Variants in EYS observed in about 807,000 individuals in gnomAD.
The protein encoded by EYS is protein eyes shut homolog.
EYS carries 250 observed loss-of-function variants against 282.1 expected under a neutral mutation model. That is an observed-to-expected ratio of 0.89 (90% CI 0.80 to 0.98). EYS has a LOEUF of 0.98. Ranked by LOEUF, EYS falls within the 50% of genes least tolerant of loss-of-function variation. EYS has a pLI of 0.00. For synonymous variants in EYS, 1,355 were observed against 1,282.9 expected, an observed-to-expected ratio of 1.06 and a Z score of -1.20; for missense variants, 4,016 against 3,709.0, an observed-to-expected ratio of 1.08 and a Z score of -2.15.
chr6:65,118,815 G>A (rs559953807), intron 12 of EYS, among the ~76,000 whole-genome samples: 29 of 151,942 alleles, frequency 1.9e-4, no homozygotes, highest in South Asian at 2.1e-4. Flanking sequence ...AATTGTAGTG[G>A]GGTGACCAGT....
At chr6:63,862,789 C>G (rs1772568117) in intron 36 of EYS, among the ~76,000 whole-genome samples, 1 of 152,048 alleles carries the variant, frequency 6.6e-6, no homozygotes, top group Non-Finnish European at 1.5e-5. Flanking sequence ...AATGTTTTCT[C>G]TTTTTATAAA....
intron 30 of EYS, among the ~76,000 whole-genome samples, chr6:64,251,593 G>A (rs1767219567): frequency 6.6e-6 from 1 of 152,158 alleles, no homozygotes; most frequent in Non-Finnish European, 1.5e-5. Context: ...AAGCAGCTAT[G>A]TGGTTCTCCC....
At chr6:64,896,869 G>A (rs1445000817) in intron 18 of EYS, among the ~76,000 whole-genome samples, 1 of 152,078 alleles carries the variant, frequency 6.6e-6, no homozygotes, top group Non-Finnish European at 1.5e-5. Context: ...GGCCACCACA[G>A]TGCCTCAAAG....
chr6:65,196,467 T>C (rs1405816516), intron 12 of EYS, among the ~76,000 whole-genome samples: 2 of 152,114 alleles, frequency 1.3e-5, no homozygotes, highest in Admixed American at 6.6e-5. Flanking sequence ...CAAATCTTCA[T>C]CAAACTCTTA....
intron 26 of EYS, among the ~76,000 whole-genome samples, chr6:64,479,954 T>C (rs948737605): frequency 1.3e-5 from 2 of 151,848 alleles, no homozygotes; most frequent in African/African-American, 4.8e-5. Context: ...GTCACCAAAG[T>C]GGGAGTTTGA....
chr6:63,834,844 C>A (rs956082282), intron 36 of EYS, among the ~76,000 whole-genome samples: 1 of 151,814 alleles, frequency 6.6e-6, no homozygotes, highest in East Asian at 1.9e-4. Flanking sequence ...CAATGTGTCA[C>A]ATATACACCA....
intron 29 of EYS, among the ~76,000 whole-genome samples, chr6:64,351,924 G>C (rs182543864): frequency 6.7e-4 from 102 of 151,608 alleles, no homozygotes; most frequent in Non-Finnish European, 1.1e-3. Flanking sequence ...CTATATCAGG[G>C]AACGAAATAA....
intron 35 of EYS, among the ~76,000 whole-genome samples, chr6:63,890,243 C>T (rs1254084288): frequency 4.6e-5 from 7 of 152,152 alleles, no homozygotes; most frequent in Admixed American, 1.3e-4. Flanking sequence ...CTGGAACAAG[C>T]GGACCTAACA....
intron 12 of EYS, among the ~76,000 whole-genome samples, chr6:65,285,517 A>C (rs775931883): frequency 6.6e-6 from 1 of 152,106 alleles, no homozygotes; most frequent in Non-Finnish European, 1.5e-5. Context: ...GAAATCTTTT[A>C]AGAAGTGCCC....
intron 5 of EYS, among the ~76,000 whole-genome samples, chr6:65,480,560 T>C (rs972459481): frequency 2.0e-5 from 3 of 152,148 alleles, no homozygotes; most frequent in Non-Finnish European, 4.4e-5. Context: ...TATTTACTAC[T>C]TTATGGACTT....
chr6:64,185,539 G>A (rs1191187330), intron 31 of EYS, among the ~76,000 whole-genome samples: 1 of 152,098 alleles, frequency 6.6e-6, no homozygotes, highest in Non-Finnish European at 1.5e-5. Flanking sequence ...GTTTTATGTA[G>A]ACACGGAAAG....
chr6:64,692,024 G>A (rs1770402562), intron 22 of EYS, among the ~76,000 whole-genome samples: 1 of 152,116 alleles, frequency 6.6e-6, no homozygotes. Context: ...CCAGTAATGA[G>A]ATTGCTGGAT....
intron 31 of EYS, among the ~76,000 whole-genome samples, chr6:64,212,491 C>T (rs1765808882): frequency 6.6e-6 from 1 of 151,512 alleles, no homozygotes; most frequent in Non-Finnish European, 1.5e-5. Flanking sequence ...CATATATATA[C>T]ACTCATACAT....
At chr6:63,792,762 A>C (rs1224855718) in intron 37 of EYS, among the ~76,000 whole-genome samples, 1 of 152,032 alleles carries the variant, frequency 6.6e-6, no homozygotes, top group Non-Finnish European at 1.5e-5. Flanking sequence ...GGGCCAAGGC[A>C]TGAAACTTGT....
At chr6:64,301,168 CTTAAA>C (rs2150372504) in intron 30 of EYS, among the ~76,000 whole-genome samples, 1 of 152,300 alleles carries the variant, frequency 6.6e-6, no homozygotes, top group African/African-American at 2.4e-5. Context: ...ACCTCAAAAG[CTTAAA>C]TTAAATACTA....
At chr6:64,127,548 AT>A (rs2150279031) in intron 31 of EYS, among the ~76,000 whole-genome samples, 1 of 152,166 alleles carries the variant, frequency 6.6e-6, no homozygotes, top group African/African-American at 2.4e-5. Flanking sequence ...CCATGTTTCC[AT>A]TTATTTTGAG....
chr6:64,319,285 T>C (rs1023698023), intron 29 of EYS, among the ~76,000 whole-genome samples: 1 of 152,054 alleles, frequency 6.6e-6, no homozygotes, highest in African/African-American at 2.4e-5. Context: ...TATTTATTTG[T>C]TTTTGAAATC....
chr6:64,521,758 A>G (rs956315899), intron 26 of EYS, among the ~76,000 whole-genome samples: 1 of 151,772 alleles, frequency 6.6e-6, no homozygotes, highest in African/African-American at 2.4e-5. Context: ...TTGTAGTAAC[A>G]TATTTTACTA....
rs528559784 is a variant in EYS at position 64,613,960 on chromosome 6, C to T, written c.3684+3458G>A. On this transcript the variant is annotated intron_variant, in intron 24 of 42. Coordinates refer to ENST00000503581, the MANE Select transcript of EYS (RefSeq NM_001142800.2). ...CTGCAGGAAGGGAAATACCCAACTC[C>T]AGCCCTGTGTAGATTTTCTGTCTCA... is the stretch of plus-strand genomic sequence containing the variant. Among the ~76,000 whole-genome samples, 7 of 152,194 alleles carry T rather than the reference C, an allele frequency of 4.6e-5. No individual in the cohort carries two copies. In the East Asian group the frequency reaches 1.4e-3, roughly 29 times the overall value.
Sources: gnomAD v4.1 joint callset for allele counts (sites outside exome capture counted in the v4.1 genomes callset) on GRCh38, gnomAD v4.1.1 for gene constraint, MANE v1.5 for transcripts, NCBI Gene and HGNC (gene_info 2026-07-23, HGNC 2026-07-21) for gene names.